Variants in ZNF674 observed in about 807,000 individuals in gnomAD.
ZNF674 encodes the protein zinc finger protein 674, also known as zinc finger family member 674.
ZNF674 carries 2 observed loss-of-function variants against 7.0 expected under a neutral mutation model. The observed-to-expected ratio is 0.29, with a 90% CI of 0.12 to 0.90. The LOEUF is 0.90. Ranked by LOEUF, ZNF674 falls within the 40% of genes least tolerant of loss-of-function variation. The pLI is 0.57. For missense variants in ZNF674, 297 were observed against 415.5 expected, an observed-to-expected ratio of 0.71 and a Z score of 2.48; for synonymous variants, 103 against 145.2, an observed-to-expected ratio of 0.71 and a Z score of 2.09.
chrX:46,504,594 C>T (rs770353943), intron 5 of ZNF674, among the ~76,000 whole-genome samples: 2 of 111,543 alleles, frequency 1.8e-5, no homozygotes, highest in East Asian at 2.8e-4. Flanking sequence ...CCACCCGCCT[C>T]GGCCCCGCAA....
At chrX:46,511,754 T>G (rs900306540) in intron 5 of ZNF674, among the ~76,000 whole-genome samples, 1 of 111,712 alleles carries the variant, frequency 9.0e-6, no homozygotes, top group Non-Finnish European at 1.9e-5. Flanking sequence ...CCGGGCGCAA[T>G]GGCTCATGCC....
intron 3 of ZNF674, among the ~76,000 whole-genome samples, chrX:46,538,080 C>T (rs1490579036): frequency 3.1e-5 from 3 of 97,547 alleles, no homozygotes; most frequent in Non-Finnish European, 4.3e-5. Flanking sequence ...CAGAGGGAGA[C>T]TCCATCTCAA....
intron 5 of ZNF674, among the ~76,000 whole-genome samples, chrX:46,519,273 T>TAGAGATAGATGATAGATAGATA (rs780507155): frequency 1.3e-5 from 1 of 75,080 alleles, no homozygotes; most frequent in Non-Finnish European, 2.5e-5. Context: ...TAAAGATAGA[T>TAGAGATAGATGATAGATAGATA]GATAGATAGA....
At chrX:46,532,361 C>A (rs1942123912) in intron 3 of ZNF674, among the ~76,000 whole-genome samples, 1 of 111,606 alleles carries the variant, frequency 9.0e-6, no homozygotes, top group South Asian at 3.7e-4. Flanking sequence ...GTCTTGGGAA[C>A]TGACTCATTC....
In ZNF674 at chrX:46,500,006, C is replaced by T. The variant is rs925926813; in HGVS notation, c.1568G>A (p.Ser523Asn). ...CACACTGAAGGCCTTCCCACATTCA[C>T]TACATTTGTAAGGTTTTTCTCCTGT... ...IHTGEKPYKC[S>N]ECGKAFSVKS... Residue 523 changes from serine (S) to asparagine (N), a missense_variant, in exon 6 of 6, where the codon AGT becomes AAT. Physicochemically the swap from Ser to Asn is conservative, Grantham distance 46. Coordinates refer to ENST00000683375, the MANE Select transcript of ZNF674 (RefSeq NM_001190417.2). The T allele has an allele frequency of 8.3e-7, 1 of 1,207,366 alleles. No homozygotes were observed. The highest frequency in any genetic ancestry group is 1.8e-5 in the African/African-American group (1 of 56,898).
intron 5 of ZNF674, among the ~76,000 whole-genome samples, chrX:46,510,419 G>C (rs1941631828): frequency 8.9e-6 from 1 of 111,843 alleles, no homozygotes; most frequent in Non-Finnish European, 1.9e-5. Flanking sequence ...TAGATTAAAG[G>C]AGGAAAAACT....
chrX:46,521,614 C>T (rs756465217), intron 5 of ZNF674, among the ~76,000 whole-genome samples: 1 of 107,366 alleles, frequency 9.3e-6, no homozygotes, highest in African/African-American at 3.4e-5. Context: ...GTGGTTCACA[C>T]CTGTCATCCC....
chrX:46,530,203 C>G (rs1389942568), intron 3 of ZNF674, among the ~76,000 whole-genome samples: 2 of 111,974 alleles, frequency 1.8e-5, no homozygotes, highest in Non-Finnish European at 3.8e-5. Context: ...ACAGTGGCAC[C>G]AGTTTACCCA....
At chrX:46,544,277 G>A (rs1166474137) in intron 2 of ZNF674, among the ~76,000 whole-genome samples, 2 of 113,040 alleles carry the variant, frequency 1.8e-5, no homozygotes, top group East Asian at 2.8e-4. Flanking sequence ...AGGGACAAAG[G>A]CCACTACGGG....
intron 3 of ZNF674, among the ~76,000 whole-genome samples, chrX:46,530,104 G>C (rs1171609902): frequency 9.0e-6 from 1 of 111,727 alleles, no homozygotes; most frequent in Admixed American, 9.5e-5. Flanking sequence ...TAACCCGCCT[G>C]TTTCTGCTCC....
At chrX:46,535,239 TG>T (rs997907946) in intron 3 of ZNF674, among the ~76,000 whole-genome samples, 1 of 111,034 alleles carries the variant, frequency 9.0e-6, no homozygotes, top group African/African-American at 3.3e-5. Context: ...CTCGACCTCC[TG>T]GGCTCAAGCG....
Position 46,498,284 on chromosome X carries a change from T to C in ZNF674, c.*1559A>G, listed in dbSNP as rs1185229958. Reference sequence around the variant, plus strand: ...GATACTCTGAAAATTTTAAATCTTATATTGCTTCACCATAAAATTATTACT... The same window carrying C: ...GATACTCTGAAAATTTTAAATCTTACATTGCTTCACCATAAAATTATTACT... On this transcript the variant is annotated 3_prime_UTR_variant, in exon 6 of 6. Coordinates refer to ENST00000683375, the MANE Select transcript of ZNF674 (RefSeq NM_001190417.2). 2 of 111,697 alleles carry C rather than the reference T, an allele frequency of 1.8e-5. No individual in the cohort carries two copies. The highest frequency in any genetic ancestry group is 7.4e-4 in the South Asian group (2 of 2,711). 9.2% of individuals were successfully genotyped at this position (111,697 alleles called of 1,213,427 possible). A position where few individuals can be genotyped will look rare whatever the true frequency, so the allele number is the denominator to read the frequency against.
chrX:46,529,029 T>TG (rs1942060738), intron 3 of ZNF674, 120 bp from the exon 4 acceptor site: 2 of 1,161,672 alleles, frequency 1.7e-6, no homozygotes, highest in Admixed American at 4.7e-5. Context: ...GTACTAAAGA[T>TG]TTCAGTCTTC....
intron 5 of ZNF674, among the ~76,000 whole-genome samples, chrX:46,509,619 C>T (rs1486502927): frequency 1.0e-5 from 1 of 98,164 alleles, no homozygotes; most frequent in African/African-American, 3.7e-5. Flanking sequence ...GAATGGCAAT[C>T]ATTAAAAAGT....
At chrX:46,519,273 TGATAGATAGATA>T (rs57724981) in intron 5 of ZNF674, among the ~76,000 whole-genome samples, 212 of 75,059 alleles carry the variant, frequency 2.8e-3, no homozygotes, top group Admixed American at 5.6e-3. Context: ...TAAAGATAGA[TGATAGATAGATA>T]GATAGATAGA....
intron 5 of ZNF674, among the ~76,000 whole-genome samples, chrX:46,505,525 C>T (rs2146590654): frequency 8.9e-6 from 1 of 111,790 alleles, no homozygotes; most frequent in East Asian, 2.8e-4. Context: ...AATCCCAGCG[C>T]TTTGGGGGGC....
At chrX:46,529,236 A>G (rs768875056) in intron 3 of ZNF674, 7 of 274,211 alleles carry the variant, frequency 2.6e-5, no homozygotes, top group Non-Finnish European at 3.9e-5. Flanking sequence ...TACATAGAGT[A>G]TATGACTAAA....
intron 5 of ZNF674, among the ~76,000 whole-genome samples, chrX:46,523,911 C>T (rs1404475968): frequency 3.6e-5 from 4 of 110,197 alleles, no homozygotes; most frequent in African/African-American, 1.3e-4. Flanking sequence ...GGCATGGTGG[C>T]GTTTGCCTGT....
chrX:46,520,744 C>T (rs957541823), intron 5 of ZNF674, among the ~76,000 whole-genome samples: 1 of 111,844 alleles, frequency 8.9e-6, no homozygotes, highest in African/African-American at 3.2e-5. Flanking sequence ...CTACATCCAA[C>T]AATATCAATA....
Sources: allele counts gnomAD v4.1 joint callset (sites outside exome capture counted in the v4.1 genomes callset), GRCh38; gene constraint gnomAD v4.1.1; transcripts MANE v1.5; gene names NCBI Gene and HGNC (gene_info 2026-07-23, HGNC 2026-07-21).